Variants in ERC2 observed in about 807,000 individuals in gnomAD.
ERC2 encodes ELKS/RAB6-interacting/CAST family member 2.
In ERC2, 42 loss-of-function variants were observed where a neutral mutation model predicts 114.8. The observed-to-expected ratio is 0.37, with a 90% CI of 0.29 to 0.47. The LOEUF (loss-of-function observed/expected upper bound fraction) is 0.47, where lower values mean the gene tolerates loss of function less well. Among genes scored for constraint, ERC2 ranks in the 20% least tolerant of loss-of-function variants. ERC2 has a pLI of 0.99. For missense variants in ERC2, 939 were observed against 1,150.7 expected (o/e 0.82, Z 2.66); for synonymous variants, 454 against 425.5 (o/e 1.07, Z -0.82).
intron 3 of ERC2, among the ~76,000 whole-genome samples, chr3:56,274,090 A>G (rs2053836977): frequency 1.3e-5 from 2 of 152,234 alleles, no homozygotes; most frequent in Admixed American, 6.5e-5. Context: ...CCTGTTAGGA[A>G]TTAGACCACA....
chr3:55,675,903 C>CTTTTTTTTTTTTTTTTTTTTTTTTTT lies in ERC2; in HGVS notation c.*39+7865_*39+7890dup, dbSNP rs869296098. On this transcript the variant is annotated intron_variant, in intron 17 of 17. Coordinates refer to ENST00000288221, the MANE Select transcript of ERC2 (RefSeq NM_015576.3). ...TTCCATCTTTCTTTCTCTTTTCTTTCTTTTTTTTTTTTTTTTTTTTTTTTT... is the reference window on the plus strand; with the variant it reads ...TTCCATCTTTCTTTCTCTTTTCTTTCTTTTTTTTTTTTTTTTTTTTTTTTTTTTTTTTTTTTTTTTTTTTTTTTTTT... Among the ~76,000 whole-genome samples, 68 of 47,992 alleles carry CTTTTTTTTTTTTTTTTTTTTTTTTTT rather than the reference C, an allele frequency of 1.4e-3. 14 individuals carry two copies. Among genetic ancestry groups the CTTTTTTTTTTTTTTTTTTTTTTTTTT allele is most frequent in the Non-Finnish European group, 1.8e-3 (51 of 28,370 alleles). The allele number at this position is 47,992 out of a possible 152,430, so 31.5% of individuals were successfully genotyped here.
intron 7 of ERC2, among the ~76,000 whole-genome samples, chr3:56,067,619 C>T (rs2076542604): frequency 6.6e-6 from 1 of 152,100 alleles, no homozygotes; most frequent in African/African-American, 2.4e-5. Flanking sequence ...TTGTGTTGTG[C>T]CAGTTTTCAA....
At chr3:55,652,509 C>A (rs758060765) in intron 17 of ERC2, among the ~76,000 whole-genome samples, 10 of 152,266 alleles carry the variant, frequency 6.6e-5, no homozygotes, top group Non-Finnish European at 1.5e-4. Context: ...CCACTATTTG[C>A]TGGGCAGGTA....
chr3:55,839,379 T>C (rs2061032621), intron 14 of ERC2, among the ~76,000 whole-genome samples: 1 of 151,754 alleles, frequency 6.6e-6, no homozygotes, highest in African/African-American at 2.4e-5. Flanking sequence ...GATATTTTGA[T>C]CCACAAAAAG....
intron 4 of ERC2, among the ~76,000 whole-genome samples, chr3:56,172,492 C>T (rs1197440518): frequency 6.6e-6 from 1 of 152,114 alleles, no homozygotes; most frequent in African/African-American, 2.4e-5. Context: ...AATTCAAAAT[C>T]ATATGCTGCA....
At chr3:55,728,284 A>T (rs999055167) in intron 15 of ERC2, among the ~76,000 whole-genome samples, 3 of 152,208 alleles carry the variant, frequency 2.0e-5, no homozygotes, top group African/African-American at 7.2e-5. Context: ...GCAGATAGCT[A>T]TTATTAAAAT....
chr3:56,082,861 T>C (rs563197077), intron 6 of ERC2, among the ~76,000 whole-genome samples: 3 of 152,116 alleles, frequency 2.0e-5, no homozygotes, highest in East Asian at 3.9e-4. Flanking sequence ...TAGATTTTCA[T>C]AGAATCTAAT....
chr3:55,868,964 G>A (rs2062446330), intron 14 of ERC2, among the ~76,000 whole-genome samples: 1 of 152,062 alleles, frequency 6.6e-6, no homozygotes, highest in South Asian at 2.1e-4. Flanking sequence ...AAAATTCCAA[G>A]CCAGTTCTGG....
intron 3 of ERC2, among the ~76,000 whole-genome samples, chr3:56,247,965 T>A (rs1379008012): frequency 1.3e-5 from 2 of 152,236 alleles, no homozygotes; most frequent in African/African-American, 4.8e-5. Context: ...TAATAATAAT[T>A]GCAGGCATTC....
At chr3:56,025,833 T>C (rs1410916388) in intron 7 of ERC2, among the ~76,000 whole-genome samples, 2 of 152,196 alleles carry the variant, frequency 1.3e-5, no homozygotes, top group African/African-American at 4.8e-5. Flanking sequence ...TTCTGCTTAT[T>C]ATACCCATAT....
At chr3:56,005,919 C>A (rs1427935679) in intron 10 of ERC2, among the ~76,000 whole-genome samples, 1 of 152,030 alleles carries the variant, frequency 6.6e-6, no homozygotes, top group African/African-American at 2.4e-5. Flanking sequence ...ATACCCAATA[C>A]ATCATAGCCA....
chr3:56,367,264 AT>A (rs201408405), intron 2 of ERC2, among the ~76,000 whole-genome samples: 12,077 of 142,830 alleles, frequency 0.085, 627 homozygotes, highest in African/African-American at 0.15. Flanking sequence ...AATGGGCAGC[AT>A]TTTTTTTTTT....
intron 3 of ERC2, among the ~76,000 whole-genome samples, chr3:56,221,001 TTAG>T (rs2049866932): frequency 6.6e-6 from 1 of 152,192 alleles, no homozygotes; most frequent in African/African-American, 2.4e-5. Context: ...GCATGCACCC[TTAG>T]TATATGTGCA....
At chr3:55,762,661 G>T (rs2148999797) in intron 14 of ERC2, among the ~76,000 whole-genome samples, 1 of 152,308 alleles carries the variant, frequency 6.6e-6, no homozygotes, top group African/African-American at 2.4e-5. Context: ...ATTGCAACTT[G>T]AAGGCAGTGT....
chr3:56,254,764 A>G (rs1054974539), intron 3 of ERC2, among the ~76,000 whole-genome samples: 7 of 152,184 alleles, frequency 4.6e-5, no homozygotes, highest in Non-Finnish European at 1.0e-4. Flanking sequence ...TCAACTGTAA[A>G]ATGTGGGATA....
At chr3:55,515,554 CTT>C (rs34992425) in intron 17 of ERC2, among the ~76,000 whole-genome samples, 2 of 144,856 alleles carry the variant, frequency 1.4e-5, no homozygotes, top group Non-Finnish European at 3.0e-5. Flanking sequence ...CTCCTTCAGA[CTT>C]TTTTTTTTTT....
intron 3 of ERC2, among the ~76,000 whole-genome samples, chr3:56,250,151 C>T (rs928330997): frequency 2.0e-5 from 3 of 152,188 alleles, no homozygotes; most frequent in Non-Finnish European, 4.4e-5. Flanking sequence ...CCACCACGCC[C>T]GGCCATCAAA....
chr3:56,158,492 T>C (rs1479066570), intron 4 of ERC2, among the ~76,000 whole-genome samples: 2 of 152,174 alleles, frequency 1.3e-5, no homozygotes, highest in Non-Finnish European at 2.9e-5. Context: ...AACTCAATTT[T>C]CAAACTCAAA....
intron 14 of ERC2, among the ~76,000 whole-genome samples, chr3:55,837,694 GC>G (rs1270207581): frequency 6.6e-6 from 1 of 151,954 alleles, no homozygotes; most frequent in African/African-American, 2.4e-5. Flanking sequence ...CATGGCACAT[GC>G]ATACCTATGT....
Sources: gnomAD v4.1 joint callset for allele counts (sites outside exome capture counted in the v4.1 genomes callset) on GRCh38, gnomAD v4.1.1 for gene constraint, MANE v1.5 for transcripts, NCBI Gene and HGNC (gene_info 2026-07-23, HGNC 2026-07-21) for gene names.